Variants in SLC15A1 observed in about 807,000 individuals in gnomAD.
SLC15A1 encodes the protein Caco-2 oligopeptide transporter.
A neutral mutation model predicts 92.9 loss-of-function variants in SLC15A1; 83 were observed. The ratio of observed to expected loss-of-function variants is 0.89; its 90% CI spans 0.75 to 1.07. SLC15A1 has a LOEUF of 1.07. Ranked by LOEUF, SLC15A1 falls within the 50% of genes least tolerant of loss-of-function variation. The pLI, the probability that SLC15A1 is intolerant of heterozygous loss-of-function variation, is 0.00. For missense variants in SLC15A1, 857 were observed against 880.1 expected (o/e 0.97, Z 0.33); for synonymous variants, 322 against 318.2 (o/e 1.01, Z -0.13).
At chr13:98,686,849 C>G in intron 21 of SLC15A1, among the ~76,000 whole-genome samples, 1 of 152,120 alleles carries the variant, frequency 6.6e-6, no homozygotes, top group Non-Finnish European at 1.5e-5. Context: ...TCTGACAACA[C>G]AGTTCAATAA....
intron 22 of SLC15A1, among the ~76,000 whole-genome samples, chr13:98,685,150 AAAC>A (rs1187874850): frequency 1.3e-5 from 2 of 152,226 alleles, no homozygotes; most frequent in Non-Finnish European, 2.9e-5. Context: ...TAAGGTACAG[AAAC>A]AACAGACTTT....
At chr13:98,686,785 C>A (rs1260561682) in intron 21 of SLC15A1, among the ~76,000 whole-genome samples, 1 of 152,138 alleles carries the variant, frequency 6.6e-6, no homozygotes, top group African/African-American at 2.4e-5. Flanking sequence ...GGCCTCTTTA[C>A]TATAAAAATT....
Position 98,688,341 on chromosome 13 carries a change from T to A in SLC15A1, c.1590A>T (p.Ile530=), listed in dbSNP as rs1393763320. Reference sequence around the variant, plus strand: ...ATTGTGGCGGAATCTCTGTTGAGCTTATTGTGAAGCCTTTTCTATCAAAAT... The same window carrying A: ...ATTGTGGCGGAATCTCTGTTGAGCTAATTGTGAAGCCTTTTCTATCAAAAT... ...FFPSGIKGFT[I]SSTEIPPQCQ... is the part of the protein sequence containing the mutation. Residue 530 remains isoleucine, a synonymous_variant, in exon 20 of 23, where the codon ATA becomes ATT. Coordinates refer to ENST00000376503, the MANE Select transcript of SLC15A1 (RefSeq NM_005073.4). The A allele has an allele frequency of 1.2e-5, 20 of 1,613,658 alleles. No homozygotes were observed. Among genetic ancestry groups the A allele is most frequent in the Non-Finnish European group, 1.6e-5 (19 of 1,179,886 alleles).
Position 98,709,906 on chromosome 13 carries a change from G to A in SLC15A1, c.906C>T (p.Ser302=). ...MFWALFDQQG[S]RWTLQATTMS... ...TAGTTGTTGCCTGCAGTGTCCACCT[G>A]GAGCCCTTAAAAATGAATACATTTG... Residue 302 remains serine, a synonymous_variant, in exon 12 of 23, where the codon TCC becomes TCT. Transcript: ENST00000376503. The A allele has an allele frequency of 6.2e-7, 1 of 1,614,122 alleles. No individual in the cohort carries two copies. The highest frequency in any genetic ancestry group is 8.5e-7 in the Non-Finnish European group (1 of 1,179,998).
At chr13:98,698,432 G>T (rs1016766537) in intron 18 of SLC15A1, among the ~76,000 whole-genome samples, 1 of 151,960 alleles carries the variant, frequency 6.6e-6, no homozygotes, top group African/African-American at 2.4e-5. Flanking sequence ...GTTGTTTTTT[G>T]GTTTTGTTTT....
chr13:98,687,478 CT>C, intron 21 of SLC15A1, 102 bp downstream of exon 21: 1 of 1,403,732 alleles, frequency 7.1e-7, no homozygotes, highest in Non-Finnish European at 9.8e-7. Flanking sequence ...GCTTTCTAGA[CT>C]TTTTAAAAAA....
At chr13:98,690,826 C>T (rs1819394091) in intron 18 of SLC15A1, among the ~76,000 whole-genome samples, 1 of 152,096 alleles carries the variant, frequency 6.6e-6, no homozygotes, top group Admixed American at 6.6e-5. Flanking sequence ...AACTGTGACA[C>T]AATGGTAAGG....
chr13:98,711,764 G>T (rs2088164644), intron 11 of SLC15A1, 90 bp downstream of exon 11: 1 of 852,320 alleles, frequency 1.2e-6, no homozygotes, highest in Non-Finnish European at 1.9e-6. Context: ...GAACTTTTTA[G>T]ATGTGAAATA....
intron 15 of SLC15A1, among the ~76,000 whole-genome samples, chr13:98,708,285 A>C (rs559586910): frequency 2.6e-5 from 4 of 152,298 alleles, no homozygotes; most frequent in Middle Eastern, 6.8e-3. Context: ...TTAACTGAGA[A>C]ACCAATCCTT....
At chr13:98,694,883 C>A (rs1202825152) in intron 18 of SLC15A1, among the ~76,000 whole-genome samples, 5 of 151,966 alleles carry the variant, frequency 3.3e-5, no homozygotes, top group Admixed American at 3.3e-4. Context: ...AAAAGATTAG[C>A]TGGGTGTGGT....
chr13:98,695,334 G>A (rs1593981778), intron 18 of SLC15A1, among the ~76,000 whole-genome samples: 1 of 151,954 alleles, frequency 6.6e-6, no homozygotes, highest in South Asian at 2.1e-4. Context: ...TAATGCTCCC[G>A]CCTCAGCCTT....
chr13:98,711,086 T>C (rs1343052904), intron 11 of SLC15A1, among the ~76,000 whole-genome samples: 1 of 152,174 alleles, frequency 6.6e-6, no homozygotes, highest in Non-Finnish European at 1.5e-5. Flanking sequence ...AATGAGGAGA[T>C]GAATGTGTAC....
chr13:98,734,507 G>A (rs9517424), intron 1 of SLC15A1, among the ~76,000 whole-genome samples: 80,792 of 151,818 alleles, frequency 0.53, 23,054 homozygotes, highest in African/African-American at 0.74. Context: ...ACAAGGGGTC[G>A]GGTCAGGGGA....
intron 1 of SLC15A1, among the ~76,000 whole-genome samples, chr13:98,747,577 A>G (rs1406364752): frequency 6.6e-6 from 1 of 152,148 alleles, no homozygotes; most frequent in East Asian, 1.9e-4. Context: ...CAGTAGAAAA[A>G]AATTATTAAT....
chr13:98,718,483 C>T (rs1185728251), intron 8 of SLC15A1, among the ~76,000 whole-genome samples: 1 of 151,246 alleles, frequency 6.6e-6, no homozygotes, highest in Non-Finnish European at 1.5e-5. Flanking sequence ...CAGCACCCAG[C>T]TAATTAAAAA....
At chr13:98,736,779 A>G (rs2088397785) in intron 1 of SLC15A1, among the ~76,000 whole-genome samples, 1 of 152,250 alleles carries the variant, frequency 6.6e-6, no homozygotes, top group African/African-American at 2.4e-5. Flanking sequence ...AATGCAAATC[A>G]AAACCACAAT....
At chr13:98,737,801 C>T (rs117629166) in intron 1 of SLC15A1, among the ~76,000 whole-genome samples, 2,121 of 152,204 alleles carry the variant, frequency 0.014, 45 homozygotes, top group Admixed American at 0.07. Context: ...AGCTTTGGAA[C>T]GGGCATAGGT....
chr13:98,703,178 AAGGG>A (rs1180852006), intron 17 of SLC15A1, among the ~76,000 whole-genome samples: 147 of 129,704 alleles, frequency 1.1e-3, no homozygotes, highest in East Asian at 6.6e-3. Flanking sequence ...GGAAGGAAGG[AAGGG>A]AGGGAGGGAG....
intron 18 of SLC15A1, among the ~76,000 whole-genome samples, chr13:98,697,058 C>CT (rs576180408): frequency 4.2e-4 from 63 of 151,216 alleles, no homozygotes; most frequent in Non-Finnish European, 7.7e-4. Flanking sequence ...AATTTCTTTT[C>CT]TTTTTTTTTC....
Sources: gnomAD v4.1 joint callset for allele counts (sites outside exome capture counted in the v4.1 genomes callset) on GRCh38, gnomAD v4.1.1 for gene constraint, MANE v1.5 for transcripts, NCBI Gene and HGNC (gene_info 2026-07-23, HGNC 2026-07-21) for gene names.